ITGAE: variants seen among roughly 807,000 people sequenced by gnomAD.
The protein encoded by ITGAE is integrin alpha-E.
A neutral mutation model predicts 136.5 loss-of-function variants in ITGAE; 99 were observed. The ratio of observed to expected loss-of-function variants is 0.73; its 90% CI spans 0.62 to 0.86. The LOEUF (loss-of-function observed/expected upper bound fraction) is 0.86. ITGAE is among the 40% of genes least tolerant of loss of function. The probability of loss-of-function intolerance (pLI) is 0.00; values close to 1 mark genes in which losing one functional copy is unlikely to be tolerated. For missense variants in ITGAE, 1,447 were observed against 1,515.3 expected, an observed-to-expected ratio of 0.95 and a Z score of 0.75; for synonymous variants, 613 against 591.8, an observed-to-expected ratio of 1.04 and a Z score of -0.52.
chr17:3,723,136 TAAGGAA>T, intron 28 of ITGAE, 146 bp downstream of exon 28: 2 of 600,086 alleles, frequency 3.3e-6, no homozygotes, highest in East Asian at 2.9e-5. Flanking sequence ...TGAGGGTAGC[TAAGGAA>T]CGGGTTGGGA....
rs200795016 is a variant in ITGAE at position 3,768,132 on chromosome 17, A to AT, written c.156-4173dup. Among the ~76,000 whole-genome samples, 105 of 149,284 alleles carry AT rather than the reference A, an allele frequency of 7.0e-4. 2 individuals carry two copies. The South Asian group carries it at 0.014, about 19-fold the overall frequency. On this transcript the variant is annotated intron_variant, in intron 2 of 30. Transcript: ENST00000263087. ...ATTTGGTTTTTAATTTACTCATGTA[A>AT]TTTTTTTTTTAAGACAGAGTCTCCT...
At position 3,761,033 on chromosome 17, in the gene ITGAE, T is replaced by C; in HGVS notation, c.578A>G (p.Asp193Gly). The change falls in exon 6 of 31, where the codon GAC becomes GGC. Residue 193 changes from aspartate to glycine, a missense_variant. By Grantham distance (94) the Asp-to-Gly change is moderately conservative. Transcript: ENST00000263087. ...EEEEDKEEEE[D>G]EEEEEAGTEI... ...CTCACCAGCTTCCTCCTCCTCCTCGTCTTCCTCCTCCTCCTTGTCTTCCTC... is the reference window on the plus strand; with the variant it reads ...CTCACCAGCTTCCTCCTCCTCCTCGCCTTCCTCCTCCTCCTTGTCTTCCTC... The C allele has an allele frequency of 6.2e-7, 1 of 1,603,242 alleles. No individual in the cohort carries two copies. The highest frequency in any genetic ancestry group is 2.2e-5 in the East Asian group (1 of 44,828).
chr17:3,745,750 A>G lies in ITGAE; in HGVS notation c.2319+14T>C. The G allele has an allele frequency of 6.2e-7, 1 of 1,612,234 alleles. No individual in the cohort carries two copies. The highest frequency in any genetic ancestry group is 8.5e-7 in the Non-Finnish European group (1 of 1,179,228). On this transcript the variant is annotated intron_variant, in intron 18 of 30. Transcript: ENST00000263087. ...AAGACCCCTCCTGACTCCCATCCAA[A>G]CTCCGTCACTTACCTCTCCCTCTGT...
chr17:3,720,478 C>A, intron 28 of ITGAE, 76 bp from the exon 29 acceptor site: 1 of 714,236 alleles, frequency 1.4e-6, no homozygotes, highest in Non-Finnish European at 2.6e-6. Context: ...ACAGCCTTCA[C>A]CACCTTTCCC....
chr17:3,781,648 C>T (rs7212809), intron 1 of ITGAE, among the ~76,000 whole-genome samples: 5,565 of 152,272 alleles, frequency 0.037, 323 homozygotes, highest in African/African-American at 0.13. Flanking sequence ...TGAGCCAAGG[C>T]CCGGTCTCTT....
At chr17:3,760,428 A>AT in intron 6 of ITGAE, 141 bp from the exon 7 acceptor site, 1 of 93,966 alleles carries the variant, frequency 1.1e-5, no homozygotes, top group Non-Finnish European at 2.1e-5. Flanking sequence ...CCAAGAGGGA[A>AT]GCTTTTTTTT....
intron 1 of ITGAE, among the ~76,000 whole-genome samples, chr17:3,784,146 G>A (rs1239632546): frequency 6.6e-6 from 1 of 151,998 alleles, no homozygotes; most frequent in Non-Finnish European, 1.5e-5. Context: ...TGTAGTCCCA[G>A]CTACTCGGGA....
intron 1 of ITGAE, among the ~76,000 whole-genome samples, chr17:3,787,673 C>T (rs549537631): frequency 7.6e-4 from 116 of 151,674 alleles, no homozygotes; most frequent in Non-Finnish European, 1.2e-3. Flanking sequence ...TTAGTGGATA[C>T]TGACAAATGG....
intron 2 of ITGAE, among the ~76,000 whole-genome samples, chr17:3,772,486 G>A (rs767338825): frequency 2.0e-4 from 27 of 134,838 alleles, no homozygotes; most frequent in Non-Finnish European, 3.7e-4. Context: ...TTTTTTTTGA[G>A]ACGGAGTCTC....
chr17:3,794,674 C>G (rs2053021012), intron 1 of ITGAE, among the ~76,000 whole-genome samples: 1 of 152,180 alleles, frequency 6.6e-6, no homozygotes, highest in Admixed American at 6.5e-5. Flanking sequence ...AAAGGACGCC[C>G]AGTAGGGAGT....
At chr17:3,790,536 GAAAA>G (rs1007657482) in intron 1 of ITGAE, among the ~76,000 whole-genome samples, 1 of 142,378 alleles carries the variant, frequency 7.0e-6, no homozygotes, top group Non-Finnish European at 1.5e-5. Context: ...ACACACAAAA[GAAAA>G]AGAGGTGAAA....
chr17:3,796,957 G>C (rs11078465), intron 1 of ITGAE, among the ~76,000 whole-genome samples: 107,431 of 151,466 alleles, frequency 0.71, 38,620 homozygotes, highest in Admixed American at 0.79. Context: ...CTCGTGGGAG[G>C]ACTGTGCCTC....
intron 21 of ITGAE, among the ~76,000 whole-genome samples, chr17:3,734,150 A>G (rs894197621): frequency 2.0e-5 from 3 of 152,164 alleles, no homozygotes; most frequent in Admixed American, 1.3e-4. Context: ...GGCTCACTGC[A>G]AGCTCCGCCT....
chr17:3,796,621 A>G (rs992030159), intron 1 of ITGAE, among the ~76,000 whole-genome samples: 5 of 150,722 alleles, frequency 3.3e-5, no homozygotes, highest in Non-Finnish European at 7.4e-5. Flanking sequence ...GTGTTGTCTG[A>G]CTTACAGACA....
intron 2 of ITGAE, 74 bp from the exon 3 acceptor site, chr17:3,764,034 TC>T: frequency 9.2e-7 from 1 of 1,084,936 alleles, no homozygotes; most frequent in Non-Finnish European, 1.4e-6. Context: ...CCAGCACCCT[TC>T]CCATTCCAGT....
chr17:3,774,999 G>T (rs1374984001), intron 2 of ITGAE, among the ~76,000 whole-genome samples: 1 of 152,150 alleles, frequency 6.6e-6, no homozygotes, highest in African/African-American at 2.4e-5. Context: ...GAAGTGCAGT[G>T]GCACAATCGC....
intron 2 of ITGAE, among the ~76,000 whole-genome samples, chr17:3,775,657 C>T (rs1251339186): frequency 2.0e-5 from 3 of 151,234 alleles, no homozygotes; most frequent in South Asian, 2.1e-4. Context: ...TTAGTGGAGA[C>T]GGGGTTTCGC....
rs748811857 is a variant in ITGAE, at chr17:3,761,164, A to C, written c.447T>G (p.Asp149Glu). The change falls in exon 6 of 31, where the codon GAT becomes GAG. Residue 149 changes from aspartate to glutamate, a missense_variant. Physicochemically the swap from Asp to Glu is conservative, Grantham distance 45. This residue lies in a region of ITGAE where 310 missense variants were observed against 416.1 expected (regional missense o/e 0.74). Coordinates refer to ENST00000263087, the MANE Select transcript of ITGAE (RefSeq NM_002208.5). ...ANFFDLENLL[D>E]PDARVDTGDC... ...CTCCAGTGTCCACACGTGCATCTGG[A>C]TCCAGGAGATTTTCTTTAAAAACAC... The C allele has an allele frequency of 8.7e-6, 14 of 1,602,972 alleles. No individual in the cohort carries two copies. In the South Asian group the frequency reaches 1.5e-4, roughly 18 times the overall value.
At chr17:3,763,760 C>T (rs921836787) in intron 3 of ITGAE, 109 bp downstream of exon 3, 19 of 857,600 alleles carry the variant, frequency 2.2e-5, no homozygotes, top group East Asian at 7.3e-5. Context: ...TAGGGGTGAA[C>T]GGGCTGGATG....
Sources: gnomAD v4.1 joint callset for allele counts (sites outside exome capture counted in the v4.1 genomes callset) on GRCh38, gnomAD v4.1.1 for gene constraint, gnomAD v4.1.1 regional missense constraint, MANE v1.5 for transcripts, NCBI Gene and HGNC (gene_info 2026-07-23, HGNC 2026-07-21) for gene names.